CD302: variants seen among roughly 807,000 people sequenced by gnomAD.
CD302 encodes CD302 molecule.
CD302 carries 23 observed loss-of-function variants against 26.5 expected under a neutral mutation model. That is an observed-to-expected ratio of 0.87 (90% CI 0.62 to 1.23). The LOEUF is 1.23. CD302 is among the 50% of genes most tolerant of loss of function. The pLI is 0.00. For synonymous variants in CD302, 90 were observed against 99.4 expected (o/e 0.91, Z 0.56); for missense variants, 290 against 275.5 (o/e 1.05, Z -0.37).
At chr2:159,780,750 T>C in intron 3 of CD302, 132 bp downstream of exon 3, 3 of 790,414 alleles carry the variant, frequency 3.8e-6, no homozygotes, top group Non-Finnish European at 6.5e-6. Flanking sequence ...TGATCATAGG[T>C]GCACACTGAA....
chr2:159,778,135 T>C (rs1438876350), intron 4 of CD302, among the ~76,000 whole-genome samples, 171 bp from the exon 5 acceptor site: 2 of 152,214 alleles, frequency 1.3e-5, no homozygotes, highest in Non-Finnish European at 2.9e-5. Flanking sequence ...CTCTGTTGTC[T>C]ATTTTGAACT....
rs1027410973 is a variant in CD302 at position 159,779,254 on chromosome 2, A to C, written c.469+751T>G. On this transcript the variant is annotated intron_variant, in intron 4 of 5. Transcript: ENST00000259053. ...GCAAAAAAAAAAAAAAAAAAAAAAAAAACCTTCTGACGGGTCAGAAGAAAA... is the reference window on the plus strand; with the variant it reads ...GCAAAAAAAAAAAAAAAAAAAAAAACAACCTTCTGACGGGTCAGAAGAAAA... Among the ~76,000 whole-genome samples the C allele has an allele frequency of 7.0e-4, 106 of 151,000 alleles. 1 individual carries two copies. The highest frequency in any genetic ancestry group is 1.3e-3 in the Non-Finnish European group (86 of 67,720).
chr2:159,779,262 T>C (rs1239039004), intron 4 of CD302, among the ~76,000 whole-genome samples: 2 of 141,104 alleles, frequency 1.4e-5, no homozygotes, highest in Admixed American at 7.0e-5. Context: ...AAAAACCTTC[T>C]GACGGGTCAG....
intron 1 of CD302, among the ~76,000 whole-genome samples, chr2:159,797,307 T>A (rs558618273): frequency 5.8e-4 from 88 of 152,284 alleles, no homozygotes; most frequent in African/African-American, 2.1e-3. Flanking sequence ...TCTTGTTTAT[T>A]TTGCTCTTTA....
chr2:159,792,734 CA>C (rs1015906869), intron 1 of CD302, among the ~76,000 whole-genome samples: 3 of 151,136 alleles, frequency 2.0e-5, no homozygotes, highest in Admixed American at 1.3e-4. Context: ...GTGACAAGAC[CA>C]AAAAAAAATT....
At chr2:159,777,686 C>G (rs1708377375) in intron 5 of CD302, among the ~76,000 whole-genome samples, 1 of 152,118 alleles carries the variant, frequency 6.6e-6, no homozygotes. Context: ...GGAAAAAATT[C>G]AGTGAATGTG....
chr2:159,796,479 A>T (rs1209565844), intron 1 of CD302, among the ~76,000 whole-genome samples: 1 of 152,210 alleles, frequency 6.6e-6, no homozygotes, highest in Non-Finnish European at 1.5e-5. Flanking sequence ...CTAGACGTGG[A>T]GTTCCCACTT....
chr2:159,784,035 A>T (rs941583099), intron 1 of CD302, among the ~76,000 whole-genome samples: 1 of 152,228 alleles, frequency 6.6e-6, no homozygotes, highest in Non-Finnish European at 1.5e-5. Flanking sequence ...AGTTCAATGA[A>T]ATAGAACCAT....
chr2:159,777,947 A>G lies in CD302; in HGVS notation c.487T>C (p.Tyr163His). Residue 163 changes from tyrosine to histidine, a missense_variant, in exon 5 of 6, where the codon TAT becomes CAT. Coordinates refer to ENST00000259053, the MANE Select transcript of CD302 (RefSeq NM_014880.5). ...CKTAIPYKRK[Y>H]LSDNHILISA... ...CCAAATCATTACTTACCTGATAAATATTTCCTTTTGTATGGGACTAAAATA... is the reference window on the plus strand; with the variant it reads ...CCAAATCATTACTTACCTGATAAATGTTTCCTTTTGTATGGGACTAAAATA... 1 of 1,013,298 alleles carries G rather than the reference A, an allele frequency of 9.9e-7. No individual in the cohort carries two copies. Among genetic ancestry groups the G allele is most frequent in the Non-Finnish European group, 1.4e-6 (1 of 709,266 alleles). The allele number at this position is 1,013,298 out of a possible 1,614,324, so 62.8% of individuals were successfully genotyped here.
At chr2:159,791,389 C>T (rs985200289) in intron 1 of CD302, among the ~76,000 whole-genome samples, 6 of 152,150 alleles carry the variant, frequency 3.9e-5, no homozygotes, top group Admixed American at 3.9e-4. Context: ...TTAGTTGTGT[C>T]TAGGGTTTTA....
intron 2 of CD302, among the ~76,000 whole-genome samples, chr2:159,781,897 A>C (rs1168033300): frequency 6.7e-6 from 1 of 150,082 alleles, no homozygotes; most frequent in African/African-American, 2.5e-5. Context: ...AATGTATATG[A>C]TTTTGATTAA....
chr2:159,776,248 C>A (rs1574487199), intron 5 of CD302, among the ~76,000 whole-genome samples: 1 of 151,962 alleles, frequency 6.6e-6, no homozygotes, highest in Non-Finnish European at 1.5e-5. Flanking sequence ...CTAAATGATA[C>A]TCAGTTGTAT....
rs546382900 is a variant in CD302, at chr2:159,769,843, A to G, written c.*2008T>C. On this transcript the variant is annotated 3_prime_UTR_variant, in exon 6 of 6. Transcript: ENST00000259053. The stretch of plus-strand genomic sequence containing the variant: ...ATTTAAGAGCAGCACTGCCCAATAA[A>G]ACTTCCTATAATGAAAATGTTCTAT... 2.6e-5 allele frequency: 4 copies of G among 152,314 alleles called. No homozygotes were observed. The East Asian group carries it at 7.7e-4, about 29-fold the overall frequency. The allele number at this position is 152,314 out of a possible 1,614,324, so 9.4% of individuals were successfully genotyped here. A position where few individuals can be genotyped will look rare whatever the true frequency, so the allele number is the denominator to read the frequency against.
intron 1 of CD302, among the ~76,000 whole-genome samples, chr2:159,788,947 A>G (rs988513858): frequency 2.6e-5 from 4 of 152,056 alleles, no homozygotes; most frequent in African/African-American, 9.7e-5. Context: ...AATACTCTCC[A>G]TAATATAATC....
rs146987171 is a variant in CD302, at chr2:159,780,174, C to T, written c.300G>A (p.Ala100=). ...TTGAATTATCAAACCACTTGAAACT[C>T]GCATCTGTCAATTAAGGAATATTTT... The part of the protein sequence containing the change: ...LLGMFYDTDD[A]SFKWFDNSNM... The change falls in exon 4 of 6, where the codon GCG becomes GCA. Residue 100 remains alanine, a synonymous_variant. Transcript: ENST00000259053. 494 of 1,612,492 alleles carry T rather than the reference C, an allele frequency of 3.1e-4. 1 individual carries two copies. The highest frequency in any genetic ancestry group is 3.7e-4 in the Non-Finnish European group (431 of 1,179,278).
intron 5 of CD302, among the ~76,000 whole-genome samples, chr2:159,775,125 C>T (rs780545401): frequency 6.6e-6 from 1 of 152,208 alleles, no homozygotes; most frequent in African/African-American, 2.4e-5. Flanking sequence ...GGATGTGTCA[C>T]CATCTCACAT....
Position 159,780,938 on chromosome 2 carries a change from T to G in CD302, c.239A>C (p.Lys80Thr), listed in dbSNP as rs1195433421. Residue 80 changes from lysine (K) to threonine (T), a missense_variant, in exon 3 of 6, where the codon AAA (lysine) becomes ACA (threonine). By Grantham distance (78) the Lys-to-Thr change is moderately conservative (BLOSUM62 -1). Coordinates refer to ENST00000259053, the MANE Select transcript of CD302 (RefSeq NM_014880.5). The part of the protein sequence containing the change: ...EENAFILDTL[K>T]KQWKGPDDIL... ...ATCATCTGGGCCTTTCCATTGCTTT[T>G]TCAAAGTATCCAGTATAAAAGCATT... The G allele has an allele frequency of 1.2e-6, 2 of 1,613,830 alleles. No homozygotes were observed. The highest frequency in any genetic ancestry group is 1.7e-5 in the Admixed American group (1 of 59,992).
intron 5 of CD302, among the ~76,000 whole-genome samples, chr2:159,774,464 CA>C (rs1708251376): frequency 6.6e-6 from 1 of 152,172 alleles, no homozygotes; most frequent in Non-Finnish European, 1.5e-5. Flanking sequence ...TAATCCACCT[CA>C]AAAACTATAT....
chr2:159,795,223 G>A (rs1194953110), intron 1 of CD302, among the ~76,000 whole-genome samples: 3 of 147,340 alleles, frequency 2.0e-5, no homozygotes, highest in East Asian at 2.0e-4. Context: ...ACTCCATCTC[G>A]GAAAAAAAAA....
Sources: gnomAD v4.1 joint callset for allele counts (sites outside exome capture counted in the v4.1 genomes callset) on GRCh38, gnomAD v4.1.1 for gene constraint, MANE v1.5 for transcripts, NCBI Gene and HGNC (gene_info 2026-07-23, HGNC 2026-07-21) for gene names.